ARNT2: variants seen among roughly 807,000 people sequenced by gnomAD.
The protein encoded by ARNT2 is ARNT protein 2.
Under a neutral mutation model 91.7 loss-of-function variants are expected in ARNT2, and 36 were observed. The observed-to-expected ratio is 0.39, with a 90% CI of 0.30 to 0.52. The LOEUF (loss-of-function observed/expected upper bound fraction) is 0.52, where lower values mean the gene tolerates loss of function less well. ARNT2 is among the 20% of genes least tolerant of loss of function. The probability of loss-of-function intolerance (pLI) is 0.72; values close to 1 mark genes in which losing one functional copy is unlikely to be tolerated. For synonymous variants in ARNT2, 365 were observed against 347.1 expected (o/e 1.05, Z -0.57); for missense variants, 775 against 939.3 (o/e 0.83, Z 2.29).
intron 5 of ARNT2, among the ~76,000 whole-genome samples, chr15:80,492,959 G>T (rs892971236): frequency 3.9e-5 from 6 of 152,044 alleles, no homozygotes; most frequent in African/African-American, 1.2e-4. Context: ...TCTGTTTACT[G>T]CTGCTATAAC....
intron 2 of ARNT2, among the ~76,000 whole-genome samples, chr15:80,456,262 G>C (rs932989393): frequency 8.1e-6 from 1 of 123,450 alleles, no homozygotes; most frequent in Admixed American, 9.0e-5. Context: ...GTGTCTGTAA[G>C]GCCCTTTAAC....
chr15:80,444,745 AGTGGTGTGTGT>A (rs1362880269), intron 1 of ARNT2: 1 of 111,902 alleles, frequency 8.9e-6, no homozygotes, highest in African/African-American at 3.6e-5. Flanking sequence ...GAGTGGTGTG[AGTGGTGTGTGT>A]GTGGTGTGTC....
chr15:80,580,362 A>T (rs752318625), intron 15 of ARNT2, 49 bp from the exon 16 acceptor site: 1 of 1,609,936 alleles, frequency 6.2e-7, no homozygotes, highest in African/African-American at 1.3e-5. Context: ...ACGTAGACTC[A>T]TGCAAACCAG....
At chr15:80,567,102 A>C (rs1385103840) in intron 12 of ARNT2, among the ~76,000 whole-genome samples, 1 of 152,070 alleles carries the variant, frequency 6.6e-6, no homozygotes, top group African/African-American at 2.4e-5. Context: ...AACGGGAGTA[A>C]AGGTAAGCAG....
intron 8 of ARNT2, among the ~76,000 whole-genome samples, chr15:80,531,981 A>C (rs1230110801): frequency 1.3e-5 from 2 of 152,172 alleles, no homozygotes; most frequent in East Asian, 3.9e-4. Flanking sequence ...CCAGCTCGGC[A>C]GTGGGCGGCT....
chr15:80,429,253 G>A (rs1186777408), intron 1 of ARNT2, among the ~76,000 whole-genome samples: 4 of 152,200 alleles, frequency 2.6e-5, no homozygotes, highest in East Asian at 1.9e-4. Flanking sequence ...GCCGTGCTCT[G>A]TGCAGGATTA....
intron 2 of ARNT2, among the ~76,000 whole-genome samples, chr15:80,453,410 GC>G (rs2141382279): frequency 6.6e-6 from 1 of 152,266 alleles, no homozygotes; most frequent in Non-Finnish European, 1.5e-5. Context: ...GATTCCACTT[GC>G]CAAGCCTCAA....
intron 11 of ARNT2, chr15:80,555,896 T>A (rs1167590556): frequency 6.6e-6 from 1 of 151,500 alleles, no homozygotes; most frequent in Non-Finnish European, 1.5e-5. Flanking sequence ...ACCTGGGAGG[T>A]AGAGGTTGCA....
chr15:80,413,895 C>G (rs946819063), intron 1 of ARNT2, among the ~76,000 whole-genome samples: 1 of 152,110 alleles, frequency 6.6e-6, no homozygotes, highest in Non-Finnish European at 1.5e-5. Flanking sequence ...CTGTTTTGGC[C>G]TGGACCACCC....
At chr15:80,561,858 C>T (rs533362808) in intron 11 of ARNT2, among the ~76,000 whole-genome samples, 1 of 152,296 alleles carries the variant, frequency 6.6e-6, no homozygotes, top group South Asian at 2.1e-4. Context: ...AATAGTGATG[C>T]TGGCATATTG....
chr15:80,559,681 C>A (rs948959395), intron 11 of ARNT2, among the ~76,000 whole-genome samples: 3 of 151,986 alleles, frequency 2.0e-5, no homozygotes, highest in African/African-American at 7.2e-5. Flanking sequence ...TGGATTCCCT[C>A]TCCAGGCACA....
chr15:80,409,521 C>T (rs952551096), intron 1 of ARNT2, among the ~76,000 whole-genome samples: 10 of 152,128 alleles, frequency 6.6e-5, no homozygotes, highest in African/African-American at 2.2e-4. Flanking sequence ...GCAATTATGA[C>T]GAATGAAGCT....
chr15:80,469,652 G>A (rs559220174), intron 3 of ARNT2, among the ~76,000 whole-genome samples: 1 of 152,144 alleles, frequency 6.6e-6, no homozygotes, highest in African/African-American at 2.4e-5. Context: ...AGATTCATGT[G>A]TGCACAGGTT....
At chr15:80,586,813 C>G (rs1567009181) in intron 17 of ARNT2, among the ~76,000 whole-genome samples, 1 of 148,856 alleles carries the variant, frequency 6.7e-6, no homozygotes, top group African/African-American at 2.5e-5. Context: ...TGCACTCCAG[C>G]CTGGATGACA....
At chr15:80,589,871 T>C (rs1316624088) in intron 17 of ARNT2, among the ~76,000 whole-genome samples, 1 of 152,184 alleles carries the variant, frequency 6.6e-6, no homozygotes, top group East Asian at 1.9e-4. Flanking sequence ...AGCAGAATCC[T>C]ATGTGCACAG....
chr15:80,426,059 G>T (rs183044797), intron 1 of ARNT2, among the ~76,000 whole-genome samples: 1 of 132,124 alleles, frequency 7.6e-6, no homozygotes, highest in African/African-American at 3.0e-5. Context: ...AGACTGTCTC[G>T]AAAAGAAAAG....
In ARNT2 at chr15:80,463,231, T is replaced by C. The variant is rs911971995; in HGVS notation, c.194+5255T>C. On this transcript the variant is annotated intron_variant, in intron 3 of 18. Transcript: ENST00000303329. ...GTGCCCCTTTTTTTATCTGGCCTCA[T>C]CTTATCAGTTACCATGTGTGGGACA... 2.0e-5 allele frequency among the ~76,000 whole-genome samples: 3 copies of C among 152,164 alleles called. No individual in the cohort carries two copies. In the South Asian group the frequency reaches 6.2e-4, roughly 32 times the overall value.
intron 10 of ARNT2, among the ~76,000 whole-genome samples, chr15:80,553,546 A>G (rs1156262990): frequency 6.6e-6 from 1 of 152,200 alleles, no homozygotes; most frequent in Non-Finnish European, 1.5e-5. Flanking sequence ...TCAATTTCAA[A>G]TGGTTCAGTA....
intron 3 of ARNT2, among the ~76,000 whole-genome samples, chr15:80,468,254 G>T (rs962282450): frequency 6.6e-6 from 1 of 152,000 alleles, no homozygotes; most frequent in Admixed American, 6.6e-5. Flanking sequence ...TCTCCCTGCT[G>T]GTCCCAGCCT....
Sources: allele counts gnomAD v4.1 joint callset (sites outside exome capture counted in the v4.1 genomes callset), GRCh38; gene constraint gnomAD v4.1.1; transcripts MANE v1.5; gene names NCBI Gene and HGNC (gene_info 2026-07-23, HGNC 2026-07-21).